The following LGALS16 variants were observed in gnomAD, a reference collection of about 807,000 sequenced individuals.
The protein encoded by LGALS16 is galectin 16.
Under a neutral mutation model 13.2 loss-of-function variants are expected in LGALS16, and 15 were observed. The observed-to-expected ratio is 1.13, with a 90% CI of 0.76 to 1.75. The LOEUF (loss-of-function observed/expected upper bound fraction) is 1.75. LGALS16 is among the 40% of genes most tolerant of loss of function. LGALS16 has a pLI of 0.00. For missense variants in LGALS16, 198 were observed against 178.4 expected (o/e 1.11, Z -0.63); for synonymous variants, 66 against 65.4 (o/e 1.01, Z -0.05).
At chr19:39,660,131 G>A (rs934261732) in intron 3 of LGALS16, among the ~76,000 whole-genome samples, 2 of 152,170 alleles carry the variant, frequency 1.3e-5, no homozygotes, top group Admixed American at 1.3e-4. Flanking sequence ...GGTTGTCCAG[G>A]TTAGAAGGGA....
At chr19:39,656,766 G>T (rs1250554361) in intron 1 of LGALS16, among the ~76,000 whole-genome samples, 2 of 152,068 alleles carry the variant, frequency 1.3e-5, no homozygotes, top group African/African-American at 4.8e-5. Context: ...CCCAGGCTCA[G>T]CTTCCCTGTC....
chr19:39,657,566 C>T (rs1340690263), intron 1 of LGALS16, among the ~76,000 whole-genome samples: 2 of 152,048 alleles, frequency 1.3e-5, no homozygotes, highest in Non-Finnish European at 2.9e-5. Flanking sequence ...GGAGAACTTC[C>T]TACACAGTAG....
At chr19:39,656,093 T>C (rs963079471) in intron 1 of LGALS16, 117 bp downstream of exon 1, 4 of 1,101,384 alleles carry the variant, frequency 3.6e-6, no homozygotes, top group East Asian at 2.6e-5. Flanking sequence ...TTACTGAGAG[T>C]TGTGGGTGTG....
chr19:39,658,721 A>C, intron 3 of LGALS16, 51 bp downstream of exon 3: 2 of 1,204,452 alleles, frequency 1.7e-6, no homozygotes, highest in Non-Finnish European at 2.4e-6. Flanking sequence ...ATCCCAGAGC[A>C]GGAGTCAGCT....
intron 1 of LGALS16, among the ~76,000 whole-genome samples, chr19:39,656,884 ATGTCTCAACTGAGTCTAAACT>A (rs1270033222): frequency 6.6e-6 from 1 of 151,816 alleles, no homozygotes; most frequent in Non-Finnish European, 1.5e-5. Flanking sequence ...ACTGTAAGCT[ATGTCTCAACTGAGTCTAAACT>A]TGTTCCTCCA....
intron 2 of LGALS16, 36 bp from the exon 3 acceptor site, chr19:39,658,424 G>A (rs1345370247): frequency 1.2e-5 from 19 of 1,523,964 alleles, no homozygotes; most frequent in Non-Finnish European, 1.7e-5. Context: ...GTGCAATGAA[G>A]GAACCTGTCC....
chr19:39,658,352 A>G, intron 2 of LGALS16, 108 bp from the exon 3 acceptor site: 2 of 948,220 alleles, frequency 2.1e-6, no homozygotes, highest in Non-Finnish European at 3.2e-6. Context: ...CAGTATCATC[A>G]GAGAGAATTT....
chr19:39,657,994 G>A (rs1973214948), intron 2 of LGALS16, 35 bp downstream of exon 2: 6 of 1,608,090 alleles, frequency 3.7e-6, no homozygotes, highest in Non-Finnish European at 5.1e-6. Context: ...GGGGGTGGAG[G>A]AGAAAGGAGA....
chr19:39,657,041 T>C (rs1643057647), intron 1 of LGALS16, among the ~76,000 whole-genome samples: 1 of 152,058 alleles, frequency 6.6e-6, no homozygotes, highest in African/African-American at 2.4e-5. Context: ...GATGAGAGGA[T>C]AACTTGAGGC....
chr19:39,658,265 C>T (rs1178864175), intron 2 of LGALS16, among the ~76,000 whole-genome samples, 195 bp from the exon 3 acceptor site: 1 of 152,190 alleles, frequency 6.6e-6, no homozygotes, highest in Non-Finnish European at 1.5e-5. Context: ...ATTCAGTTTT[C>T]ATCTGGGGAT....
At chr19:39,658,769 C>A in intron 3 of LGALS16, 99 bp downstream of exon 3, 1 of 735,522 alleles carries the variant, frequency 1.4e-6, no homozygotes, top group Non-Finnish European at 2.3e-6. Flanking sequence ...CAGGGCCCAT[C>A]TCCCGTAACT....
rs559317635 is a variant in LGALS16 at position 39,660,441 on chromosome 19, C to T, written c.350C>T (p.Pro117Leu). ...ATTTATGCCTTTGTCCATCGAATCC[C>T]GCCATCATATGTGAAGATGATTCAA... ...EYIYAFVHRI[P>L]PSYVKMIQVW... The change falls in exon 4 of 4, where the codon CCG becomes CTG. Residue 117 changes from proline (P) to leucine (L), a missense_variant. Transcript: ENST00000392051. 1.5e-5 allele frequency: 23 copies of T among 1,541,602 alleles called. No homozygotes were observed. Among genetic ancestry groups the T allele is most frequent in the South Asian group, 8.3e-5 (7 of 84,228 alleles).
At chr19:39,656,378 G>C (rs1013991359) in intron 1 of LGALS16, among the ~76,000 whole-genome samples, 15 of 152,174 alleles carry the variant, frequency 9.9e-5, no homozygotes, top group African/African-American at 2.9e-4. Flanking sequence ...TATGTGCGCA[G>C]TGAGCAGGTG....
intron 1 of LGALS16, among the ~76,000 whole-genome samples, chr19:39,657,582 C>G (rs1310593950): frequency 1.3e-5 from 2 of 152,092 alleles, no homozygotes; most frequent in Admixed American, 1.3e-4. Context: ...AGTAGGAATT[C>G]ATGATAATCC....
At position 39,657,945 on chromosome 19, in the gene LGALS16, G is replaced by A. The variant is rs1338169987; in HGVS notation, c.78G>A (p.Leu26=). ...VGSCVIIKGT[L]IDSSINEPQL... is the part of the protein sequence containing the mutation. The stretch of plus-strand genomic sequence containing the variant: ...CCTGCGTGATAATCAAAGGGACACT[G>A]ATCGACTCTTCTATGTGAGTACTCC... The change falls in exon 2 of 4, where the codon CTG becomes CTA. Residue 26 remains leucine (L), a synonymous_variant. Coordinates refer to ENST00000392051, the MANE Select transcript of LGALS16 (RefSeq NM_001190441.3). 2.5e-6 allele frequency: 4 copies of A among 1,613,868 alleles called. No individual in the cohort carries two copies. The African/African-American group carries it at 4.0e-5, about 16-fold the overall frequency.
intron 3 of LGALS16, 96 bp downstream of exon 3, chr19:39,658,766 C>T: frequency 1.3e-6 from 1 of 771,180 alleles, no homozygotes; most frequent in Non-Finnish European, 2.2e-6. Flanking sequence ...CCTCAGGGCC[C>T]ATCTCCCGTA....
At chr19:39,660,300 T>C in intron 3 of LGALS16, 95 bp from the exon 4 acceptor site, 2 of 1,250,724 alleles carry the variant, frequency 1.6e-6, no homozygotes, top group Non-Finnish European at 2.2e-6. Context: ...AGGAGTTTTC[T>C]TGGGGAATGT....
At chr19:39,656,097 G>A in intron 1 of LGALS16, 121 bp downstream of exon 1, 1 of 1,072,214 alleles carries the variant, frequency 9.3e-7, no homozygotes, top group Non-Finnish European at 1.4e-6. Context: ...TGAGAGTTGT[G>A]GGTGTGTGGA....
chr19:39,660,391 A>G lies in LGALS16; in HGVS notation c.304-4A>G, dbSNP rs1973246408. Reference sequence around the variant, plus strand: ...GTCTTTCTGATGCATTTTTCCTCTTAAAGGTAAAGGTAAATGGTGAATACA... The same window carrying G: ...GTCTTTCTGATGCATTTTTCCTCTTGAAGGTAAAGGTAAATGGTGAATACA... On this transcript the variant is annotated splice_region_variant and splice_polypyrimidine_tract_variant and intron_variant, in intron 3 of 3. Coordinates refer to ENST00000392051, the MANE Select transcript of LGALS16 (RefSeq NM_001190441.3). The G allele has an allele frequency of 6.5e-6, 10 of 1,540,204 alleles. No individual in the cohort carries two copies. The East Asian group carries it at 2.2e-4, about 34-fold the overall frequency.
Sources: allele counts gnomAD v4.1 joint callset (sites outside exome capture counted in the v4.1 genomes callset), GRCh38; gene constraint gnomAD v4.1.1; transcripts MANE v1.5; gene names NCBI Gene and HGNC (gene_info 2026-07-23, HGNC 2026-07-21).